Variants in ATP6V0C observed in about 807,000 individuals in gnomAD.
The protein encoded by ATP6V0C is ATPase H+ transporting V0 subunit c.
In ATP6V0C, 2 loss-of-function variants were observed where a neutral mutation model predicts 10.6. That is an observed-to-expected ratio of 0.19 (90% confidence interval 0.08 to 0.59). The LOEUF (loss-of-function observed/expected upper bound fraction) is 0.59. Ranked by LOEUF, ATP6V0C falls within the 20% of genes least tolerant of loss-of-function variation. The probability of loss-of-function intolerance (pLI) is 0.90; values close to 1 mark genes in which losing one functional copy is unlikely to be tolerated. For missense variants in ATP6V0C, 89 were observed against 225.9 expected (o/e 0.39, Z 3.88); for synonymous variants, 128 against 101.3 (o/e 1.26, Z -1.59).
chr16:2,519,506 G>A, intron 2 of ATP6V0C, 35 bp from the exon 3 acceptor site: 1 of 1,541,476 alleles, frequency 6.5e-7, no homozygotes, highest in Middle Eastern at 1.7e-4. Flanking sequence ...CTGGTTGGCA[G>A]GCTGCTGATG....
intron 1 of ATP6V0C, among the ~76,000 whole-genome samples, chr16:2,515,724 G>T (rs1382464668): frequency 6.6e-6 from 1 of 152,180 alleles, no homozygotes; most frequent in Admixed American, 6.5e-5. Flanking sequence ...TGGGGTATTA[G>T]CTTGTGGCTG....
intron 1 of ATP6V0C, chr16:2,517,692 GTCT>G (rs1182739137): frequency 6.6e-6 from 1 of 150,462 alleles, no homozygotes; most frequent in Non-Finnish European, 1.5e-5. Flanking sequence ...GACATATGTA[GTCT>G]TCTGCAGGTC....
chr16:2,519,793 C>G lies in ATP6V0C; in HGVS notation c.*48C>G. ...ACAGAATATTATGTAAAGACCACCC[C>G]TCCTCATTCCAGAACGAACAGCCTG... is the stretch of plus-strand genomic sequence containing the variant. On this transcript the variant is annotated 3_prime_UTR_variant, in exon 3 of 3. Coordinates refer to ENST00000330398, the MANE Select transcript of ATP6V0C (RefSeq NM_001694.4). 2 of 1,578,354 alleles carry G rather than the reference C, an allele frequency of 1.3e-6. No individual in the cohort carries two copies. The highest frequency in any genetic ancestry group is 2.3e-5 in the South Asian group (2 of 87,524).
chr16:2,516,493 C>T (rs1020464670), intron 1 of ATP6V0C, among the ~76,000 whole-genome samples: 2 of 152,202 alleles, frequency 1.3e-5, no homozygotes, highest in Non-Finnish European at 2.9e-5. Flanking sequence ...CTAAACAAGC[C>T]CCCTGCCCTC....
At chr16:2,519,154 C>T (rs568971056) in intron 1 of ATP6V0C, 64 bp from the exon 2 acceptor site, 1 of 1,496,760 alleles carries the variant, frequency 6.7e-7, no homozygotes, top group East Asian at 2.4e-5. Context: ...AAAGCTACAC[C>T]TCGGGGTCCT....
At position 2,514,042 on chromosome 16, in the gene ATP6V0C, C is replaced by T. The variant is rs1055316256; in HGVS notation, c.-62C>T. ...CCGCAAACCTTCGTGCCCGGCCCGT[C>T]CTCGCCCCCGCCTCCGCCACCGCCT... On this transcript the variant is annotated 5_prime_UTR_variant, in exon 1 of 3. Transcript: ENST00000330398. 4 of 1,473,440 alleles carry T rather than the reference C, an allele frequency of 2.7e-6. No individual in the cohort carries two copies. In the African/African-American group the frequency reaches 4.4e-5, roughly 16 times the overall value. The allele number at this position is 1,473,440 out of a possible 1,614,324, so 91.3% of individuals were successfully genotyped here.
In ATP6V0C at chr16:2,519,930, C is replaced by T. The variant is rs1468550915; in HGVS notation, c.*185C>T. On this transcript the variant is annotated 3_prime_UTR_variant, in exon 3 of 3. Coordinates refer to ENST00000330398, the MANE Select transcript of ATP6V0C (RefSeq NM_001694.4). The stretch of plus-strand genomic sequence containing the variant: ...GCCCCCGCCCGCCCCGTGCCGTGGA[C>T]ATCTGGGCCCACTCATCGCCCCTCC... 1.2e-6 allele frequency: 1 copy of T among 857,236 alleles called. No individual in the cohort carries two copies. The highest frequency in any genetic ancestry group is 1.9e-6 in the Non-Finnish European group (1 of 531,000). The allele number at this position is 857,236 out of a possible 1,614,324, so 53.1% of individuals were successfully genotyped here.
chr16:2,515,415 C>G (rs1271769593), intron 1 of ATP6V0C, among the ~76,000 whole-genome samples: 1 of 152,336 alleles, frequency 6.6e-6, no homozygotes, highest in African/African-American at 2.4e-5. Flanking sequence ...TCCAAACAGT[C>G]TCTGCTGACT....
intron 1 of ATP6V0C, among the ~76,000 whole-genome samples, chr16:2,515,578 C>T (rs1825012357): frequency 6.6e-6 from 1 of 152,154 alleles, no homozygotes; most frequent in Non-Finnish European, 1.5e-5. Context: ...CTAGACTTCT[C>T]CTTCCCCCTA....
intron 1 of ATP6V0C, chr16:2,517,214 C>T (rs2065881052): frequency 6.6e-6 from 1 of 152,374 alleles, no homozygotes; most frequent in African/African-American, 2.4e-5. Context: ...AAAAAATGCA[C>T]TGTAACCAGG....
At chr16:2,516,689 C>T (rs979068812) in intron 1 of ATP6V0C, 2 of 152,408 alleles carry the variant, frequency 1.3e-5, no homozygotes, top group African/African-American at 4.8e-5. Flanking sequence ...TCATCATGTC[C>T]TTCAAGAAGT....
chr16:2,519,425 G>A, intron 2 of ATP6V0C, 24 bp downstream of exon 2: 2 of 1,600,500 alleles, frequency 1.2e-6, no homozygotes. Context: ...TCAGGCCCCT[G>A]CCCAGGGCTG....
At chr16:2,517,869 G>C (rs530435689) in intron 1 of ATP6V0C, 2 of 152,112 alleles carry the variant, frequency 1.3e-5, no homozygotes, top group Non-Finnish European at 2.9e-5. Context: ...GGGTTCAGGC[G>C]ATTCTCCTGC....
At chr16:2,518,072 G>A (rs2065886076) in intron 1 of ATP6V0C, 1 of 152,364 alleles carries the variant, frequency 6.6e-6, no homozygotes, top group Non-Finnish European at 1.5e-5. Flanking sequence ...GGCCAAGTCA[G>A]GCTGGTTATT....
intron 1 of ATP6V0C, among the ~76,000 whole-genome samples, chr16:2,518,846 ACTGACC>A (rs1188355743): frequency 6.6e-6 from 1 of 152,168 alleles, no homozygotes; most frequent in African/African-American, 2.4e-5. Context: ...CCAAGGGTCG[ACTGACC>A]CTGACCCCAC....
chr16:2,514,008 GCCGC>G lies in ATP6V0C; in HGVS notation c.-87_-84del. 3.4e-6 allele frequency: 4 copies of G among 1,187,682 alleles called. No homozygotes were observed. Among genetic ancestry groups the G allele is most frequent in the Non-Finnish European group, 4.7e-6 (4 of 855,308 alleles). 73.6% of individuals were successfully genotyped at this position (1,187,682 alleles called of 1,614,324 possible). ...GCTGACGGGCCGGATCGCCTTCGCC[GCCGC>G]CCGCCCGCAAACCTTCGTGCCCGGC... On this transcript the variant is annotated 5_prime_UTR_variant, in exon 1 of 3. Transcript: ENST00000330398.
rs2065865380 is a variant in ATP6V0C, at chr16:2,514,236, C to T, written c.79+54C>T. 7 of 1,482,836 alleles carry T rather than the reference C, an allele frequency of 4.7e-6. No individual in the cohort carries two copies. The Admixed American group carries it at 1.1e-4, about 22-fold the overall frequency. 91.9% of individuals were successfully genotyped at this position (1,482,836 alleles called of 1,614,324 possible). ...GGCGGGGGCGCGCGCGTTGCTCATG[C>T]CCGCAGCTCGCCGGGGTCCGGTGTG... On this transcript the variant is annotated intron_variant, in intron 1 of 2. Transcript: ENST00000330398.
intron 1 of ATP6V0C, chr16:2,516,673 C>G (rs1035808189): frequency 1.3e-5 from 2 of 152,424 alleles, no homozygotes; most frequent in Admixed American, 1.3e-4. Flanking sequence ...ATGTCCTGTT[C>G]TTTCTTCATC....
upstream of ATP6V0C, chr16:2,513,771 G>A (rs993705146): frequency 1.1e-5 from 2 of 176,926 alleles, no homozygotes; most frequent in African/African-American, 4.7e-5. Flanking sequence ...GGAAACACCC[G>A]CGGAGGCCGA....
Sources: gnomAD v4.1 joint callset for allele counts (sites outside exome capture counted in the v4.1 genomes callset) on GRCh38, gnomAD v4.1.1 for gene constraint, MANE v1.5 for transcripts, NCBI Gene and HGNC (gene_info 2026-07-23, HGNC 2026-07-21) for gene names.